The following ABHD3 variants were observed in gnomAD, a reference collection of about 807,000 sequenced individuals.
ABHD3 encodes the protein phospholipase ABHD3.
A neutral mutation model predicts 48.8 loss-of-function variants in ABHD3; 46 were observed. The ratio of observed to expected loss-of-function variants is 0.94; its 90% CI spans 0.74 to 1.20. The LOEUF is 1.20. ABHD3 is among the 50% of genes most tolerant of loss of function. The pLI is 0.00. For synonymous variants in ABHD3, 192 were observed against 183.7 expected (o/e 1.04, Z -0.36); for missense variants, 490 against 497.8 (o/e 0.98, Z 0.15).
intron 8 of ABHD3, among the ~76,000 whole-genome samples, chr18:21,656,567 G>A: frequency 6.6e-6 from 1 of 152,094 alleles, no homozygotes; most frequent in East Asian, 1.9e-4. Context: ...TGAGGCAAAA[G>A]GACTGTAACA....
chr18:21,683,876 G>C, intron 4 of ABHD3, 44 bp downstream of exon 4: 1 of 1,502,938 alleles, frequency 6.7e-7, no homozygotes, highest in South Asian at 1.4e-5. Context: ...AACTAGAAAT[G>C]ATTCTTTAAA....
chr18:21,671,089 G>A (rs1289490765), intron 4 of ABHD3, among the ~76,000 whole-genome samples: 1 of 152,062 alleles, frequency 6.6e-6, no homozygotes, highest in Non-Finnish European at 1.5e-5. Flanking sequence ...TCTCAATCCT[G>A]CTAATTGCCC....
At position 21,664,846 on chromosome 18, in the gene ABHD3, G is replaced by A. The variant is rs55660015; in HGVS notation, c.556-616C>T. Reference sequence around the variant, plus strand: ...AGGGGGGTCTTGCTATGTTGTCCAGGTTGGTCTTGAACTCCTGGGTTACAG... The same window carrying A: ...AGGGGGGTCTTGCTATGTTGTCCAGATTGGTCTTGAACTCCTGGGTTACAG... On this transcript the variant is annotated intron_variant, in intron 4 of 8. Coordinates refer to ENST00000289119, the MANE Select transcript of ABHD3 (RefSeq NM_138340.5). Among the ~76,000 whole-genome samples, 1,382 of 152,248 alleles carry A rather than the reference G, an allele frequency of 9.1e-3. 21 individuals are homozygous for A. Among genetic ancestry groups the A allele is most frequent in the African/African-American group, 0.031 (1,299 of 41,538 alleles).
intron 3 of ABHD3, among the ~76,000 whole-genome samples, chr18:21,693,740 T>C (rs2040305214): frequency 1.3e-5 from 2 of 152,236 alleles, no homozygotes; most frequent in Admixed American, 1.3e-4. Context: ...AAATGATCAG[T>C]TAACTGCCTT....
chr18:21,655,469 T>C (rs1013363473), intron 8 of ABHD3, among the ~76,000 whole-genome samples: 13 of 151,992 alleles, frequency 8.6e-5, no homozygotes, highest in Admixed American at 7.2e-4. Flanking sequence ...GTATTTTTAA[T>C]AGAGGTGGAA....
rs2040310393 is a variant in ABHD3 at position 21,693,993 on chromosome 18, A to AC, written c.509+8322dup. On this transcript the variant is annotated intron_variant, in intron 3 of 8. Transcript: ENST00000289119. ...CTCCACCCCTGTCCCCCACCAAGGC[A>AC]CCTCTAATGCTGCAGGAAAAGCTAA... Among the ~76,000 whole-genome samples, 4 of 152,118 alleles carry AC rather than the reference A, an allele frequency of 2.6e-5. No homozygotes were observed. In the South Asian group the frequency reaches 8.3e-4, roughly 32 times the overall value.
At chr18:21,671,167 T>G (rs1326928484) in intron 4 of ABHD3, among the ~76,000 whole-genome samples, 1 of 152,136 alleles carries the variant, frequency 6.6e-6, no homozygotes, top group Non-Finnish European at 1.5e-5. Context: ...CTAGCTTTGT[T>G]AATAAACCCT....
At chr18:21,684,057 G>A (rs2040071408) in intron 3 of ABHD3, 92 bp from the exon 4 acceptor site, 4 of 1,139,404 alleles carry the variant, frequency 3.5e-6, no homozygotes, top group South Asian at 3.4e-5. Context: ...CTGATTTAGA[G>A]CACTAAAAGA....
At chr18:21,687,729 T>C (rs1439929631) in intron 3 of ABHD3, among the ~76,000 whole-genome samples, 3 of 152,178 alleles carry the variant, frequency 2.0e-5, no homozygotes, top group Non-Finnish European at 4.4e-5. Context: ...TGTGACAAGA[T>C]AACCCATTAA....
chr18:21,669,892 G>C (rs939667848), intron 4 of ABHD3, among the ~76,000 whole-genome samples: 1 of 152,104 alleles, frequency 6.6e-6, no homozygotes, highest in Non-Finnish European at 1.5e-5. Context: ...CCTGAAGCAA[G>C]GATGTGAGTG....
chr18:21,657,703 C>T (rs1445357211), intron 6 of ABHD3, among the ~76,000 whole-genome samples: 1 of 151,984 alleles, frequency 6.6e-6, no homozygotes, highest in Non-Finnish European at 1.5e-5. Context: ...CTAAGGTTTT[C>T]AGTAAGTCAT....
At chr18:21,693,236 C>T (rs967503830) in intron 3 of ABHD3, among the ~76,000 whole-genome samples, 1 of 152,202 alleles carries the variant, frequency 6.6e-6, no homozygotes, top group Non-Finnish European at 1.5e-5. Context: ...AAAATGTTTG[C>T]CATAGGCCCT....
Position 21,657,084 on chromosome 18 carries a change from A to G in ABHD3, c.891+20T>C. The G allele has an allele frequency of 6.2e-7, 1 of 1,613,872 alleles. No homozygotes were observed. The highest frequency in any genetic ancestry group is 8.5e-7 in the Non-Finnish European group (1 of 1,179,858). On this transcript the variant is annotated intron_variant, in intron 7 of 8. Transcript: ENST00000289119. ...GCCCAAAAGAAGAAATAAAAGTATT[A>G]CATAAAGTTTCTCTCCTACCTTCAT...
At chr18:21,662,973 G>A (rs2039536550) in intron 5 of ABHD3, among the ~76,000 whole-genome samples, 1 of 152,204 alleles carries the variant, frequency 6.6e-6, no homozygotes, top group South Asian at 2.1e-4. Flanking sequence ...AAAGGAAAGT[G>A]ACGCTAAACT....
At chr18:21,684,182 A>G (rs2040073787) in intron 3 of ABHD3, among the ~76,000 whole-genome samples, 1 of 152,166 alleles carries the variant, frequency 6.6e-6, no homozygotes, top group Non-Finnish European at 1.5e-5. Flanking sequence ...AGAAAACTGT[A>G]TACTGAAGTG....
chr18:21,685,589 C>G (rs1044660119), intron 3 of ABHD3, among the ~76,000 whole-genome samples: 1 of 152,202 alleles, frequency 6.6e-6, no homozygotes, highest in Non-Finnish European at 1.5e-5. Context: ...AGTGCGGTGG[C>G]GCGGTCACAG....
chr18:21,694,079 A>G (rs955394399), intron 3 of ABHD3, among the ~76,000 whole-genome samples: 1 of 151,698 alleles, frequency 6.6e-6, no homozygotes, highest in Non-Finnish European at 1.5e-5. Context: ...TCTACATAAA[A>G]TATTCTCAGG....
At chr18:21,664,427 G>C (rs547265712) in intron 4 of ABHD3, 197 bp from the exon 5 acceptor site, 10 of 513,150 alleles carry the variant, frequency 1.9e-5, no homozygotes, top group Middle Eastern at 5.3e-4. Flanking sequence ...CACAGTTAGA[G>C]TTGGCACTAA....
In ABHD3 at chr18:21,657,034, A is replaced by T; in HGVS notation, c.892-8T>A. On this transcript the variant is annotated splice_region_variant and splice_polypyrimidine_tract_variant and intron_variant, in intron 7 of 8. Transcript: ENST00000289119. ...CTCTCTGATGGATTTAGCCTGAAACACAAAAACAAATTATATCTAGTCTTG... is the reference window on the plus strand; with the variant it reads ...CTCTCTGATGGATTTAGCCTGAAACTCAAAAACAAATTATATCTAGTCTTG... 6.2e-7 allele frequency: 1 copy of T among 1,614,096 alleles called. No homozygotes were observed. Among genetic ancestry groups the T allele is most frequent in the Non-Finnish European group, 8.5e-7 (1 of 1,180,002 alleles).
Sources: allele counts gnomAD v4.1 joint callset (sites outside exome capture counted in the v4.1 genomes callset), GRCh38; gene constraint gnomAD v4.1.1; transcripts MANE v1.5; gene names NCBI Gene and HGNC (gene_info 2026-07-23, HGNC 2026-07-21).